NBEA: variants seen among roughly 807,000 people sequenced by gnomAD.
NBEA encodes lysosomal-trafficking regulator 2.
In NBEA, 44 loss-of-function variants were observed where a neutral mutation model predicts 343.4. The observed-to-expected ratio is 0.13, with a 90% CI of 0.10 to 0.16. The LOEUF (loss-of-function observed/expected upper bound fraction) is 0.16, where lower values mean the gene tolerates loss of function less well. Ranked by LOEUF, NBEA falls within the 10% of genes least tolerant of loss-of-function variation. NBEA has a pLI of 1.00. For missense variants in NBEA, 2,555 were observed against 3,631.3 expected (o/e 0.70, Z 7.62); for synonymous variants, 1,175 against 1,238.7 (o/e 0.95, Z 1.08).
At chr13:35,474,473 G>C (rs2075779231) in intron 41 of NBEA, 1 of 152,746 alleles carries the variant, frequency 6.5e-6, no homozygotes, top group Non-Finnish European at 1.5e-5. Context: ...TTCAAAGACA[G>C]ATAAAAGTAC....
At chr13:35,209,130 G>A (rs894870368) in intron 32 of NBEA, among the ~76,000 whole-genome samples, 2 of 152,072 alleles carry the variant, frequency 1.3e-5, no homozygotes, top group African/African-American at 4.8e-5. Context: ...GATATTTGGG[G>A]AGCAGAAGCA....
At chr13:35,356,414 G>C (rs1263680112) in intron 38 of NBEA, among the ~76,000 whole-genome samples, 1 of 152,080 alleles carries the variant, frequency 6.6e-6, no homozygotes, top group African/African-American at 2.4e-5. Flanking sequence ...TACAGATTTG[G>C]TTTTTGTATA....
intron 10 of NBEA, among the ~76,000 whole-genome samples, chr13:35,077,422 G>T (rs2064168729): frequency 6.6e-6 from 1 of 151,944 alleles, no homozygotes; most frequent in African/African-American, 2.4e-5. Context: ...TTGTCTCCAG[G>T]CAGTCTCTTA....
chr13:35,258,022 A>G (rs1272155949), intron 34 of NBEA, among the ~76,000 whole-genome samples: 1 of 152,072 alleles, frequency 6.6e-6, no homozygotes, highest in East Asian at 1.9e-4. Context: ...TTTGTAATGA[A>G]CTTTACATAT....
At chr13:35,445,597 CTT>C (rs2045960041) in intron 39 of NBEA, among the ~76,000 whole-genome samples, 1 of 151,466 alleles carries the variant, frequency 6.6e-6, no homozygotes. Context: ...TGAAAAGTAA[CTT>C]AACTAATGTG....
chr13:35,375,733 G>T (rs1270246799), intron 38 of NBEA, among the ~76,000 whole-genome samples: 1 of 152,074 alleles, frequency 6.6e-6, no homozygotes, highest in East Asian at 1.9e-4. Flanking sequence ...GAAATTTATT[G>T]TAAATGACAG....
intron 40 of NBEA, among the ~76,000 whole-genome samples, chr13:35,463,748 G>A (rs902558156): frequency 6.6e-6 from 1 of 152,110 alleles, no homozygotes; most frequent in Non-Finnish European, 1.5e-5. Context: ...GAAACTAAAG[G>A]AGAGAATAGG....
chr13:35,027,746 T>C (rs1251244807), intron 1 of NBEA, among the ~76,000 whole-genome samples: 2 of 151,980 alleles, frequency 1.3e-5, no homozygotes, highest in African/African-American at 4.8e-5. Context: ...GTCTAAAAAC[T>C]TTTAGCCAGG....
chr13:35,366,260 A>G (rs1228090426), intron 38 of NBEA, among the ~76,000 whole-genome samples: 3 of 151,514 alleles, frequency 2.0e-5, no homozygotes, highest in Non-Finnish European at 3.0e-5. Flanking sequence ...TTAACTATGT[A>G]ATGGAATAAA....
intron 8 of NBEA, among the ~76,000 whole-genome samples, chr13:35,060,159 T>C (rs1243775483): frequency 6.6e-6 from 1 of 151,354 alleles, no homozygotes; most frequent in African/African-American, 2.4e-5. Context: ...TGATATTAAA[T>C]AGAGTGACAA....
In NBEA at chr13:35,156,154, T is replaced by G. The variant is rs367872503; in HGVS notation, c.2599T>G (p.Leu867Val). ...TGCAGAGCTGATGGAAGTTCGTCGT[T>G]TATTTTTATCTGATATGATAAAACT... The part of the protein sequence containing the change: ...PSAELMEVRR[L>V]FLSDMIKLFS... The change falls in exon 20 of 59, where the codon TTA (leucine) becomes GTA (valine). Residue 867 changes from leucine (L) to valine (V), a missense_variant. This residue lies in a region of NBEA where 360 missense variants were observed against 519.1 expected (regional missense o/e 0.69). Transcript: ENST00000379939. The G allele has an allele frequency of 1.3e-6, 2 of 1,591,126 alleles. No individual in the cohort carries two copies. Among genetic ancestry groups the G allele is most frequent in the Non-Finnish European group, 1.7e-6 (2 of 1,169,532 alleles).
intron 11 of NBEA, among the ~76,000 whole-genome samples, chr13:35,104,821 A>G (rs1219100258): frequency 6.6e-6 from 1 of 151,992 alleles, no homozygotes; most frequent in Non-Finnish European, 1.5e-5. Context: ...TGGGAAACTT[A>G]GAGGTTATCC....
chr13:35,472,524 G>A lies in NBEA; in HGVS notation c.6573G>A (p.Lys2191=). The change falls in exon 41 of 59, where the codon AAG becomes AAA. Residue 2191 remains lysine, a synonymous_variant. Coordinates refer to ENST00000379939, the MANE Select transcript of NBEA (RefSeq NM_001385012.1). ...EVDEDDSAFK[K]IDTKVLAYTE... ...ATGAGGATGATTCTGCCTTCAAGAA[G>A]ATCGACACGAAAGTGAGTTAAAGCG... is the stretch of plus-strand genomic sequence containing the variant. The A allele has an allele frequency of 6.2e-7, 1 of 1,613,998 alleles. No homozygotes were observed. Among genetic ancestry groups the A allele is most frequent in the Non-Finnish European group, 8.5e-7 (1 of 1,179,884 alleles).
At chr13:35,151,980 T>G (rs2068819579) in intron 18 of NBEA, among the ~76,000 whole-genome samples, 1 of 152,160 alleles carries the variant, frequency 6.6e-6, no homozygotes, top group Non-Finnish European at 1.5e-5. Context: ...CAAGTAGATT[T>G]TTATGTTTAA....
chr13:35,282,289 A>G (rs2035106828), intron 34 of NBEA, among the ~76,000 whole-genome samples: 1 of 152,164 alleles, frequency 6.6e-6, no homozygotes, highest in African/African-American at 2.4e-5. Flanking sequence ...ATGTAATCAT[A>G]TGACTAACAT....
chr13:35,279,163 T>C (rs1566559059), intron 34 of NBEA, among the ~76,000 whole-genome samples: 1 of 152,168 alleles, frequency 6.6e-6, no homozygotes, highest in Non-Finnish European at 1.5e-5. Context: ...AACCATGCCA[T>C]AGCATAACAT....
At chr13:34,988,685 A>G (rs560901248) in intron 1 of NBEA, among the ~76,000 whole-genome samples, 1 of 150,902 alleles carries the variant, frequency 6.6e-6, no homozygotes, top group African/African-American at 2.4e-5. Flanking sequence ...TGACCTTTGT[A>G]TTGTTATGAA....
At chr13:35,210,712 T>C (rs1054414362) in intron 32 of NBEA, among the ~76,000 whole-genome samples, 2 of 152,156 alleles carry the variant, frequency 1.3e-5, no homozygotes, top group African/African-American at 4.8e-5. Flanking sequence ...TATTACAATG[T>C]AGCTATAAAA....
intron 1 of NBEA, among the ~76,000 whole-genome samples, chr13:34,949,579 C>T (rs2059289365): frequency 6.6e-6 from 1 of 152,078 alleles, no homozygotes; most frequent in Admixed American, 6.5e-5. Flanking sequence ...CAAGGAATTC[C>T]ATTAGCAAGG....
Sources: allele counts gnomAD v4.1 joint callset (sites outside exome capture counted in the v4.1 genomes callset), GRCh38; gene constraint gnomAD v4.1.1; regional missense constraint gnomAD v4.1.1; transcripts MANE v1.5; gene names NCBI Gene and HGNC (gene_info 2026-07-23, HGNC 2026-07-21).